The following DBT variants were observed in gnomAD, a reference collection of about 807,000 sequenced individuals.
DBT encodes the protein dihydrolipoamide branched chain transacylase E2, also known as lipoamide acyltransferase component of branched-chain alpha-keto acid dehydrogenase complex, mitochondrial.
Under a neutral mutation model 51.3 loss-of-function variants are expected in DBT, and 40 were observed. That is an observed-to-expected ratio of 0.78 (90% confidence interval 0.61 to 1.02). The LOEUF (loss-of-function observed/expected upper bound fraction) is 1.02, where lower values mean the gene tolerates loss of function less well. Ranked by LOEUF, DBT falls within the 50% of genes least tolerant of loss-of-function variation. The pLI, the probability that DBT is intolerant of heterozygous loss-of-function variation, is 0.00. For synonymous variants in DBT, 181 were observed against 190.4 expected, an observed-to-expected ratio of 0.95 and a Z score of 0.41; for missense variants, 510 against 580.2, an observed-to-expected ratio of 0.88 and a Z score of 1.24.
At chr1:100,215,284 C>G (rs1662413557) in intron 6 of DBT, among the ~76,000 whole-genome samples, 2 of 152,320 alleles carry the variant, frequency 1.3e-5, no homozygotes, top group East Asian at 3.9e-4. Context: ...TAACAGCTTT[C>G]CTGCAAAGCC....
intron 6 of DBT, 86 bp from the exon 7 acceptor site, chr1:100,215,069 A>G: frequency 1.1e-6 from 1 of 944,986 alleles, no homozygotes; most frequent in Non-Finnish European, 1.6e-6. Flanking sequence ...CTAAAATGGA[A>G]GGTTCTCTAA....
At chr1:100,210,867 A>G in intron 7 of DBT, 96 bp from the exon 8 acceptor site, 2 of 1,578,090 alleles carry the variant, frequency 1.3e-6, no homozygotes, top group Non-Finnish European at 1.7e-6. Flanking sequence ...GGAGAGAGAG[A>G]ACTCTTATTT....
chr1:100,196,137 T>C lies in DBT; in HGVS notation c.*118A>G, dbSNP rs541998757. The C allele has an allele frequency of 1.1e-5, 10 of 933,926 alleles. No homozygotes were observed. The highest frequency in any genetic ancestry group is 2.0e-5 in the Admixed American group (1 of 50,586). 57.9% of individuals were successfully genotyped at this position (933,926 alleles called of 1,614,324 possible). A position where few individuals can be genotyped will look rare whatever the true frequency, so the allele number is the denominator to read the frequency against. ...GTGACAAATATTGTGCCTTAGATCC[T>C]TAATCATACGATACAAATCATTTAC... On this transcript the variant is annotated 3_prime_UTR_variant, in exon 11 of 11. Transcript: ENST00000370132.
At chr1:100,240,129 G>A (rs1431242128) in intron 2 of DBT, among the ~76,000 whole-genome samples, 1 of 152,106 alleles carries the variant, frequency 6.6e-6, no homozygotes, top group Admixed American at 6.6e-5. Context: ...TAAGTAAATG[G>A]TGAAAGTCAG....
At chr1:100,207,289 G>T (rs1661847852) in intron 8 of DBT, among the ~76,000 whole-genome samples, 1 of 152,086 alleles carries the variant, frequency 6.6e-6, no homozygotes, top group Non-Finnish European at 1.5e-5. Flanking sequence ...CCTGAGTCAA[G>T]ATCCATCTTC....
At position 100,194,294 on chromosome 1, in the gene DBT, A is replaced by T. The variant is rs1165348346; in HGVS notation, c.*1961T>A. ...TTGATCCTCTTGTCTCAGCTTCCTG[A>T]GTAGCTGGGACTATAGGTGCACACC... On this transcript the variant is annotated 3_prime_UTR_variant, in exon 11 of 11. Transcript: ENST00000370132. 4 of 150,772 alleles carry T rather than the reference A, an allele frequency of 2.7e-5. No homozygotes were observed. The highest frequency in any genetic ancestry group is 7.3e-5 in the African/African-American group (3 of 41,004). The allele number at this position is 150,772 out of a possible 1,614,324, so 9.3% of individuals were successfully genotyped here.
rs900939861 is a variant in DBT at position 100,213,290 on chromosome 1, G to A, written c.939+1527C>T. 2.3e-5 allele frequency: 32 copies of A among 1,418,644 alleles called. No homozygotes were observed. The African/African-American group carries it at 4.3e-4, about 19-fold the overall frequency. The allele number at this position is 1,418,644 out of a possible 1,614,324, so 87.9% of individuals were successfully genotyped here. On this transcript the variant is annotated intron_variant, in intron 7 of 10. Transcript: ENST00000370132. ...GGGGCCGACAGAGCCGAGCCGGGCC[G>A]CCATGGACCACAAGACTCTGCTGCA...
intron 10 of DBT, among the ~76,000 whole-genome samples, chr1:100,205,163 C>G (rs976533262): frequency 2.0e-5 from 3 of 152,136 alleles, no homozygotes; most frequent in South Asian, 2.1e-4. Flanking sequence ...TCAGAGAGAA[C>G]AGGCAACCTA....
chr1:100,220,470 C>T (rs1036816098), intron 4 of DBT, among the ~76,000 whole-genome samples: 7 of 152,074 alleles, frequency 4.6e-5, no homozygotes, highest in Non-Finnish European at 7.4e-5. Context: ...CTACTGCAAC[C>T]GTGATAAGAT....
Position 100,218,618 on chromosome 1 carries a change from G to T in DBT, c.555+8C>A, listed in dbSNP as rs548611008. 72 of 1,613,664 alleles carry T rather than the reference G, an allele frequency of 4.5e-5. No homozygotes were observed. The South Asian group carries it at 7.4e-4, about 16-fold the overall frequency. ...ACAATCTCAGACTTAAATATTAAGAGAACTTACATTGTTTTCCATTGCCAG... is the reference window on the plus strand; with the variant it reads ...ACAATCTCAGACTTAAATATTAAGATAACTTACATTGTTTTCCATTGCCAG... On this transcript the variant is annotated splice_region_variant and intron_variant, in intron 5 of 10. Coordinates refer to ENST00000370132, the MANE Select transcript of DBT (RefSeq NM_001918.5).
At chr1:100,219,872 T>A (rs575587090) in intron 4 of DBT, among the ~76,000 whole-genome samples, 2 of 152,252 alleles carry the variant, frequency 1.3e-5, no homozygotes, top group East Asian at 3.9e-4. Flanking sequence ...TGGCTGGGCA[T>A]GGTTGCTCAC....
At position 100,218,664 on chromosome 1, in the gene DBT, C is replaced by T; in HGVS notation, c.517G>A (p.Ala173Thr). 6.2e-7 allele frequency: 1 copy of T among 1,613,972 alleles called. No individual in the cohort carries two copies. The highest frequency in any genetic ancestry group is 8.5e-7 in the Non-Finnish European group (1 of 1,179,940). Residue 173 changes from alanine to threonine, a missense_variant, in exon 5 of 11, where the codon GCA becomes ACA. Ala to Thr is a moderately conservative substitution (Grantham distance 58). Transcript: ENST00000370132. ...GCCAGACGGCGAACTGCAGGAGTTG[C>T]CAGTGTTTTTCGGCCCTTTATCTCT... Reference protein sequence around the residue: ...HQEIKGRKTLATPAVRRLAME... With the variant: ...HQEIKGRKTLTTPAVRRLAME...
chr1:100,226,861 G>T (rs371561063), intron 4 of DBT, among the ~76,000 whole-genome samples: 3 of 152,180 alleles, frequency 2.0e-5, no homozygotes, highest in African/African-American at 7.2e-5. Flanking sequence ...TTTGAGCATT[G>T]AGAAGAATAA....
chr1:100,199,996 G>A (rs1338024539), intron 10 of DBT, among the ~76,000 whole-genome samples: 1 of 152,072 alleles, frequency 6.6e-6, no homozygotes, highest in Non-Finnish European at 1.5e-5. Flanking sequence ...CAAGCTAGCT[G>A]CAGTTTTGTT....
chr1:100,241,366 T>TTGTGTGTG (rs58256713), intron 1 of DBT, among the ~76,000 whole-genome samples: 2,952 of 144,028 alleles, frequency 0.02, 58 homozygotes, highest in African/African-American at 0.054. Flanking sequence ...CTGAAAGGTA[T>TTGTGTGTG]TGTGTGTGTG....
chr1:100,234,228 C>CT (rs1373746809), intron 3 of DBT, among the ~76,000 whole-genome samples: 1 of 152,058 alleles, frequency 6.6e-6, no homozygotes, highest in Non-Finnish European at 1.5e-5. Context: ...ATTAAAAGAG[C>CT]TTTTAGAATT....
At chr1:100,203,637 GACAC>G (rs1639078111) in intron 10 of DBT, among the ~76,000 whole-genome samples, 1 of 152,166 alleles carries the variant, frequency 6.6e-6, no homozygotes, top group Non-Finnish European at 1.5e-5. Flanking sequence ...ACCTGGCAGA[GACAC>G]ACACACAAAA....
chr1:100,226,926 T>C (rs1201978926), intron 4 of DBT, among the ~76,000 whole-genome samples: 1 of 152,218 alleles, frequency 6.6e-6, no homozygotes, highest in East Asian at 1.9e-4. Context: ...ATGCATTGCT[T>C]AATGATGGGA....
intron 4 of DBT, among the ~76,000 whole-genome samples, chr1:100,225,022 C>A (rs1282658626): frequency 2.3e-4 from 15 of 64,818 alleles, no homozygotes; most frequent in South Asian, 9.9e-4. Flanking sequence ...CGTCTCCCCC[C>A]AAAAAAAAAA....
Sources: allele counts gnomAD v4.1 joint callset (sites outside exome capture counted in the v4.1 genomes callset), GRCh38; gene constraint gnomAD v4.1.1; transcripts MANE v1.5; gene names NCBI Gene and HGNC (gene_info 2026-07-23, HGNC 2026-07-21).